Variants in LEPR observed in about 807,000 individuals in gnomAD.
LEPR encodes leptin receptor, also known as OB receptor.
LEPR carries 56 observed loss-of-function variants against 114.7 expected under a neutral mutation model. The observed-to-expected ratio is 0.49, with a 90% CI of 0.39 to 0.61. LEPR has a LOEUF of 0.61. LEPR is among the 20% of genes least tolerant of loss of function. LEPR has a pLI of 0.00. For synonymous variants in LEPR, 443 were observed against 461.4 expected, an observed-to-expected ratio of 0.96 and a Z score of 0.51; for missense variants, 1,202 against 1,352.9, an observed-to-expected ratio of 0.89 and a Z score of 1.75.
chr1:65,606,457 C>G (rs1239052582), intron 11 of LEPR, among the ~76,000 whole-genome samples: 1 of 152,144 alleles, frequency 6.6e-6, no homozygotes, highest in African/African-American at 2.4e-5. Context: ...TAGAAAGTAA[C>G]TCAACGTTGG....
chr1:65,636,831 C>T lies in LEPR; in HGVS notation c.3314C>T (p.Pro1105Leu). Residue 1105 changes from proline to leucine, a missense_variant, in exon 20 of 20, where the codon CCA (proline) becomes CTA (leucine). Pro to Leu is a moderately conservative substitution (Grantham distance 98, BLOSUM62 -3). Coordinates refer to ENST00000349533, the MANE Select transcript of LEPR (RefSeq NM_002303.6). ...TDKSRVSCPFPAPCLFTDIRV... is the reference protein window; with the variant it reads ...TDKSRVSCPFLAPCLFTDIRV... Reference sequence around the variant, plus strand: ...AAGTCAAGGGTATCGTGCCCATTCCCAGCCCCCTGTTTATTCACGGACATC... The same window carrying T: ...AAGTCAAGGGTATCGTGCCCATTCCTAGCCCCCTGTTTATTCACGGACATC... The T allele has an allele frequency of 6.2e-7, 1 of 1,613,354 alleles. No individual in the cohort carries two copies. The highest frequency in any genetic ancestry group is 8.5e-7 in the Non-Finnish European group (1 of 1,179,760).
intron 3 of LEPR, among the ~76,000 whole-genome samples, chr1:65,569,507 G>T (rs1654002857): frequency 6.6e-6 from 1 of 152,070 alleles, no homozygotes. Context: ...AGGAGTTCGA[G>T]ACCAGCCTGG....
At chr1:65,632,218 A>T (rs752884131) in intron 19 of LEPR, among the ~76,000 whole-genome samples, 1 of 152,160 alleles carries the variant, frequency 6.6e-6, no homozygotes, top group Non-Finnish European at 1.5e-5. Flanking sequence ...AAGTTGCTAG[A>T]TGGCCTTCCA....
At chr1:65,481,401 A>G (rs923342465) in intron 2 of LEPR, among the ~76,000 whole-genome samples, 1 of 152,212 alleles carries the variant, frequency 6.6e-6, no homozygotes, top group Non-Finnish European at 1.5e-5. Context: ...AGAAAATTAA[A>G]TACACCAATA....
intron 2 of LEPR, among the ~76,000 whole-genome samples, chr1:65,564,322 G>GC (rs1303922503): frequency 2.1e-5 from 3 of 143,862 alleles, no homozygotes; most frequent in Non-Finnish European, 3.1e-5. Flanking sequence ...TTTTCCAGGT[G>GC]CGTCCGTCAC....
rs760336942 is a variant in LEPR, at chr1:65,570,465, C to A, written c.41-8C>A. ...TTTTTTCTATGTGTCTTTTTAATAT[C>A]CTAACAGAATTTATTTATGTGATAA... On this transcript the variant is annotated splice_polypyrimidine_tract_variant and splice_region_variant and intron_variant, in intron 3 of 19. Transcript: ENST00000349533. The A allele has an allele frequency of 1.2e-6, 2 of 1,611,710 alleles. No individual in the cohort carries two copies. The highest frequency in any genetic ancestry group is 1.7e-4 in the Middle Eastern group (1 of 6,052).
At chr1:65,456,905 G>C (rs1168665924) in intron 2 of LEPR, among the ~76,000 whole-genome samples, 3 of 151,850 alleles carry the variant, frequency 2.0e-5, no homozygotes, top group Non-Finnish European at 1.5e-5. Flanking sequence ...CTCTTTTTCT[G>C]TCTTTTGTAT....
At chr1:65,504,051 T>C (rs1457940603) in intron 2 of LEPR, among the ~76,000 whole-genome samples, 1 of 152,126 alleles carries the variant, frequency 6.6e-6, no homozygotes. Context: ...AAAGGGAGAC[T>C]AGAGCCAATG....
chr1:65,619,800 C>T, intron 16 of LEPR, 128 bp from the exon 17 acceptor site: 2 of 773,762 alleles, frequency 2.6e-6, no homozygotes, highest in Non-Finnish European at 4.2e-6. Context: ...TAATTTAATC[C>T]ACAAATAATA....
chr1:65,431,267 TTAAAG>T (rs781100747), intron 2 of LEPR, among the ~76,000 whole-genome samples: 3 of 152,230 alleles, frequency 2.0e-5, no homozygotes, highest in African/African-American at 4.8e-5. Flanking sequence ...TTTCTCTTGC[TTAAAG>T]TAAAACAAAA....
intron 5 of LEPR, among the ~76,000 whole-genome samples, chr1:65,586,134 AG>A (rs1655299286): frequency 6.6e-6 from 1 of 152,028 alleles, no homozygotes; most frequent in Non-Finnish European, 1.5e-5. Flanking sequence ...TGTGACAATA[AG>A]GCACGTTGGG....
At chr1:65,592,268 G>C (rs1437879107) in intron 5 of LEPR, among the ~76,000 whole-genome samples, 3 of 59,916 alleles carry the variant, frequency 5.0e-5, no homozygotes, top group African/African-American at 1.8e-4. Flanking sequence ...TTTTTTTTTT[G>C]CCTGATGGAT....
At chr1:65,591,009 C>T (rs1655659784) in intron 5 of LEPR, among the ~76,000 whole-genome samples, 1 of 151,752 alleles carries the variant, frequency 6.6e-6, no homozygotes, top group Admixed American at 6.6e-5. Context: ...GGAATTATTG[C>T]TGTAAGCAAT....
chr1:65,622,041 G>A (rs1657917928), intron 18 of LEPR, among the ~76,000 whole-genome samples: 1 of 152,092 alleles, frequency 6.6e-6, no homozygotes, highest in African/African-American at 2.4e-5. Flanking sequence ...TTTGGATTTA[G>A]GTGGTTTTTG....
chr1:65,585,882 A>G (rs1056259841), intron 5 of LEPR, among the ~76,000 whole-genome samples: 3 of 152,014 alleles, frequency 2.0e-5, no homozygotes, highest in African/African-American at 7.2e-5. Context: ...TGACTTTGGC[A>G]TGTAACAAGG....
chr1:65,458,495 T>C (rs1215735355), intron 2 of LEPR, among the ~76,000 whole-genome samples: 1 of 152,220 alleles, frequency 6.6e-6, no homozygotes, highest in Non-Finnish European at 1.5e-5. Flanking sequence ...TTACTCTACC[T>C]TATTCTTGTT....
At position 65,601,692 on chromosome 1, in the gene LEPR, CAG is replaced by C. The variant is rs748490162; in HGVS notation, c.1285+13_1285+14del. The C allele has an allele frequency of 5.6e-6, 9 of 1,613,290 alleles. No individual in the cohort carries two copies. Among genetic ancestry groups the C allele is most frequent in the Admixed American group, 3.3e-5 (2 of 59,956 alleles). On this transcript the variant is annotated intron_variant, in intron 9 of 19. Coordinates refer to ENST00000349533, the MANE Select transcript of LEPR (RefSeq NM_002303.6). ...GAATTATATGTGATTGGTAAGAAAA[CAG>C]AGGTTTTGTTCATTTTGTTCCACAA... is the stretch of plus-strand genomic sequence containing the variant.
intron 2 of LEPR, among the ~76,000 whole-genome samples, chr1:65,534,025 G>T (rs1193763039): frequency 6.6e-6 from 1 of 152,024 alleles, no homozygotes; most frequent in African/African-American, 2.4e-5. Flanking sequence ...TGTTTTAGAT[G>T]TGTCTGTAGT....
rs79864325 is a variant in LEPR at position 65,625,816 on chromosome 1, T to C, written c.2673+2835T>C. ...ACCTAGCATATTCACAAACTGGAAA[T>C]AGGAAGACTATAAGACTTTTTCTTA... On this transcript the variant is annotated intron_variant, in intron 19 of 19. Transcript: ENST00000349533. Among the ~76,000 whole-genome samples the C allele has an allele frequency of 0.028, 4,261 of 152,194 alleles. 206 individuals are homozygous for C. Among genetic ancestry groups the C allele is most frequent in the African/African-American group, 0.098 (4,058 of 41,506 alleles).
Sources: gnomAD v4.1 joint callset for allele counts (sites outside exome capture counted in the v4.1 genomes callset) on GRCh38, gnomAD v4.1.1 for gene constraint, MANE v1.5 for transcripts, NCBI Gene and HGNC (gene_info 2026-07-23, HGNC 2026-07-21) for gene names.